Variants in IFT80 observed in about 807,000 individuals in gnomAD.
IFT80 encodes the protein intraflagellar transport protein 80 homolog.
Under a neutral mutation model 107.9 loss-of-function variants are expected in IFT80, and 79 were observed. The observed-to-expected ratio is 0.73, with a 90% CI of 0.61 to 0.88. The LOEUF (loss-of-function observed/expected upper bound fraction) is 0.88. IFT80 is among the 40% of genes least tolerant of loss of function. The pLI is 0.00. For synonymous variants in IFT80, 299 were observed against 300.9 expected, an observed-to-expected ratio of 0.99 and a Z score of 0.07; for missense variants, 797 against 914.2, an observed-to-expected ratio of 0.87 and a Z score of 1.65.
intron 8 of IFT80, chr3:160,343,503 T>C (rs1254068096): frequency 6.6e-6 from 1 of 152,642 alleles, no homozygotes; most frequent in African/African-American, 2.4e-5. Flanking sequence ...AATTTGAACA[T>C]TGGTGCCCTT....
chr3:160,331,781 T>C (rs1029716939), intron 8 of IFT80, among the ~76,000 whole-genome samples: 1 of 152,246 alleles, frequency 6.6e-6, no homozygotes, highest in East Asian at 1.9e-4. Context: ...CACCTCAGCA[T>C]CCTGAGTAGC....
At chr3:160,309,834 T>C (rs1188642238) in intron 9 of IFT80, among the ~76,000 whole-genome samples, 1 of 152,098 alleles carries the variant, frequency 6.6e-6, no homozygotes, top group Non-Finnish European at 1.5e-5. Flanking sequence ...ATTATTAGAA[T>C]AATATTAATA....
chr3:160,322,530 T>A lies in IFT80; in HGVS notation c.778-2591A>T, dbSNP rs1007617926. ...TGTGTCTTTATAACAGCATGATTTA[T>A]AGTCCTTTGGGTATATACCCACTAA... On this transcript the variant is annotated intron_variant, in intron 8 of 19. Coordinates refer to ENST00000326448, the MANE Select transcript of IFT80 (RefSeq NM_020800.3). Among the ~76,000 whole-genome samples the A allele has an allele frequency of 7.9e-5, 12 of 152,334 alleles. 1 individual carries two copies. Among genetic ancestry groups the A allele is most frequent in the African/African-American group, 2.9e-4 (12 of 41,576 alleles).
In IFT80 at chr3:160,356,131, C is replaced by G. The variant is rs754818191; in HGVS notation, c.659G>C (p.Arg220Pro). 2 of 1,613,884 alleles carry G rather than the reference C, an allele frequency of 1.2e-6. No individual in the cohort carries two copies. The highest frequency in any genetic ancestry group is 1.1e-5 in the South Asian group (1 of 91,060). ...CKYKVWDSYG[R>P]PLYNSQPHEH... ...ATGAGGTTGTGAATTGTACAGTGGG[C>G]GGCCGTAACTATCCCATACCTACAA... is the stretch of plus-strand genomic sequence containing the variant. The change falls in exon 8 of 20, where the codon CGC becomes CCC. Residue 220 changes from arginine to proline, a missense_variant. Physicochemically the swap from Arg to Pro is moderately radical, Grantham distance 103. Coordinates refer to ENST00000326448, the MANE Select transcript of IFT80 (RefSeq NM_020800.3).
rs539479949 is a variant in IFT80, at chr3:160,327,415, G to C, written c.778-7476C>G. On this transcript the variant is annotated intron_variant, in intron 8 of 19. Transcript: ENST00000326448. ...CAAAGCTGGAGGCATTATACTACCT[G>C]ACTTCAAACTGTACTAACAGGGCCA... Among the ~76,000 whole-genome samples the C allele has an allele frequency of 9.2e-5, 14 of 152,178 alleles. No homozygotes were observed. The East Asian group carries it at 2.5e-3, about 27-fold the overall frequency.
chr3:160,279,870 C>A (rs1023049891), intron 15 of IFT80, among the ~76,000 whole-genome samples: 2 of 152,268 alleles, frequency 1.3e-5, no homozygotes, highest in Admixed American at 6.5e-5. Context: ...TGCAGTGAGC[C>A]ATGATTACAC....
intron 1 of IFT80, among the ~76,000 whole-genome samples, chr3:160,388,397 C>T (rs1713105217): frequency 6.6e-6 from 1 of 151,350 alleles, no homozygotes; most frequent in East Asian, 1.9e-4. Flanking sequence ...AAGAAAAGTA[C>T]AGAAAAATAT....
chr3:160,285,747 G>T, intron 13 of IFT80, 57 bp downstream of exon 13: 2 of 1,115,952 alleles, frequency 1.8e-6, no homozygotes, highest in South Asian at 1.4e-5. Flanking sequence ...CATTAATTTT[G>T]AAAAGGAAAT....
At chr3:160,381,778 A>G (rs1026787948) in intron 2 of IFT80, 54 bp from the exon 3 acceptor site, 137 of 1,372,926 alleles carry the variant, frequency 1.0e-4, no homozygotes, top group Non-Finnish European at 1.2e-4. Context: ...ATCTTAATGA[A>G]TAATTCACAG....
At chr3:160,294,194 A>C (rs945029691) in intron 12 of IFT80, among the ~76,000 whole-genome samples, 31 of 152,050 alleles carry the variant, frequency 2.0e-4, no homozygotes, top group African/African-American at 7.5e-4. Context: ...AAGTGAGGTC[A>C]GTCTTGGCAG....
intron 11 of IFT80, among the ~76,000 whole-genome samples, chr3:160,302,041 GT>G (rs1716468165): frequency 6.6e-6 from 1 of 151,888 alleles, no homozygotes; most frequent in Admixed American, 6.6e-5. Flanking sequence ...AATATATCTT[GT>G]TTTATTGCCC....
At chr3:160,285,484 C>T (rs1715017123) in intron 13 of IFT80, among the ~76,000 whole-genome samples, 1 of 152,144 alleles carries the variant, frequency 6.6e-6, no homozygotes, top group Non-Finnish European at 1.5e-5. Flanking sequence ...AACACAAATA[C>T]ATTTTTATTT....
At position 160,294,210 on chromosome 3, in the gene IFT80, T is replaced by C. The variant is rs185951363; in HGVS notation, c.1315+6673A>G. Among the ~76,000 whole-genome samples, 672 of 152,178 alleles carry C rather than the reference T, an allele frequency of 4.4e-3. 2 individuals carry two copies. The highest frequency in any genetic ancestry group is 7.3e-3 in the Admixed American group (112 of 15,284). On this transcript the variant is annotated intron_variant, in intron 12 of 19. Coordinates refer to ENST00000326448, the MANE Select transcript of IFT80 (RefSeq NM_020800.3). ...AGTGAGGTCAGTCTTGGCAGGCCTT[T>C]GTCCTTAACTTTTTTTTTCTTTTTT... is the stretch of plus-strand genomic sequence containing the variant.
chr3:160,307,049 A>C (rs1716881271), intron 10 of IFT80, among the ~76,000 whole-genome samples: 1 of 152,178 alleles, frequency 6.6e-6, no homozygotes, highest in Non-Finnish European at 1.5e-5. Flanking sequence ...TGGTTATGTG[A>C]GTTTTCTGGA....
chr3:160,277,507 A>G, intron 17 of IFT80, 29 bp from the exon 18 acceptor site: 1 of 1,568,770 alleles, frequency 6.4e-7, no homozygotes. Context: ...ATATTGAAGT[A>G]GATAGTAACA....
rs535402663 is a variant in IFT80 at position 160,301,159 on chromosome 3, G to A, written c.1152-113C>T. ...AAAAAATCTAAATCTTACAATTAATGTAAATGTGTAGATATATAAGGAACA... is the reference window on the plus strand; with the variant it reads ...AAAAAATCTAAATCTTACAATTAATATAAATGTGTAGATATATAAGGAACA... On this transcript the variant is annotated intron_variant, in intron 11 of 19. Transcript: ENST00000326448. 1.9e-4 allele frequency: 193 copies of A among 1,013,124 alleles called. 5 individuals are homozygous for A. In the South Asian group the frequency reaches 3.2e-3, roughly 17 times the overall value. The allele number at this position is 1,013,124 out of a possible 1,614,324, so 62.8% of individuals were successfully genotyped here. A position where few individuals can be genotyped will look rare whatever the true frequency, so the allele number is the denominator to read the frequency against.
chr3:160,386,230 A>G (rs529318065), intron 1 of IFT80, among the ~76,000 whole-genome samples: 1 of 152,316 alleles, frequency 6.6e-6, no homozygotes, highest in Admixed American at 6.5e-5. Flanking sequence ...TCCTCACACA[A>G]TTCCATTTAT....
intron 6 of IFT80, among the ~76,000 whole-genome samples, chr3:160,358,560 G>A (rs1721271177): frequency 1.3e-5 from 2 of 151,298 alleles, no homozygotes; most frequent in South Asian, 4.2e-4. Context: ...GTGGGGGATT[G>A]GTTCCAGTAC....
chr3:160,340,305 G>C (rs1332882731), intron 8 of IFT80, among the ~76,000 whole-genome samples: 1 of 152,130 alleles, frequency 6.6e-6, no homozygotes, highest in Non-Finnish European at 1.5e-5. Flanking sequence ...GATATAGTTT[G>C]TATCTTTGCA....
Sources: allele counts gnomAD v4.1 joint callset (sites outside exome capture counted in the v4.1 genomes callset), GRCh38; gene constraint gnomAD v4.1.1; transcripts MANE v1.5; gene names NCBI Gene and HGNC (gene_info 2026-07-23, HGNC 2026-07-21).